Variants in MPP2 observed in about 807,000 individuals in gnomAD.
MPP2 encodes the protein MAGUK p55 scaffold protein 2, also known as MAGUK p55 subfamily member 2.
Under a neutral mutation model 58.5 loss-of-function variants are expected in MPP2, and 42 were observed. That is an observed-to-expected ratio of 0.72 (90% confidence interval 0.56 to 0.93). MPP2 has a LOEUF of 0.93. Among genes scored for constraint, MPP2 ranks in the 40% least tolerant of loss-of-function variants. MPP2 has a pLI of 0.00. For synonymous variants in MPP2, 300 were observed against 307.8 expected (o/e 0.97, Z 0.26); for missense variants, 632 against 760.4 (o/e 0.83, Z 1.99).
Position 43,884,084 on chromosome 17 carries a change from C to G in MPP2, c.151-729G>C, listed in dbSNP as rs202014037. ...TTGCAGACAACACAAGCCACTTTAC[C>G]CCAAAGTATTTCAGCATGTATTTCA... On this transcript the variant is annotated intron_variant, in intron 3 of 12. Coordinates refer to ENST00000269095, the MANE Select transcript of MPP2 (RefSeq NM_005374.5). 3 of 702,554 alleles carry G rather than the reference C, an allele frequency of 4.3e-6. No homozygotes were observed. In the Admixed American group the frequency reaches 6.0e-5, roughly 14 times the overall value. The allele number at this position is 702,554 out of a possible 1,614,324, so 43.5% of individuals were successfully genotyped here.
intron 2 of MPP2, chr17:43,901,286 C>A: frequency 1.0e-6 from 1 of 985,518 alleles, no homozygotes; most frequent in Non-Finnish European, 1.2e-6. Context: ...CTGCTTACCC[C>A]TCGCCTCACA....
At chr17:43,907,878 G>A, upstream of MPP2, 11 of 985,402 alleles carry the variant, frequency 1.1e-5, no homozygotes, top group Non-Finnish European at 1.3e-5. Flanking sequence ...GGCTTAGACC[G>A]GCGTTCTAGT....
chr17:43,888,456 T>C (rs529220102), intron 3 of MPP2, among the ~76,000 whole-genome samples: 14 of 152,308 alleles, frequency 9.2e-5, no homozygotes, highest in East Asian at 7.7e-4. Flanking sequence ...GTCCCAGCTC[T>C]GGCTCTGTTA....
rs113177833 is a variant in MPP2 at position 43,882,473 on chromosome 17, G to C, written c.492C>G (p.Ile164Met). The part of the protein sequence containing the change: ...TFRVEGGELV[I>M]ARILHGGMVA... ...CCATGCCCCCATGCAGAATGCGCGC[G>C]ATCACCAGCTCGCCGCCCTCCACGC... The change falls in exon 6 of 13, where the codon ATC becomes ATG. Residue 164 changes from isoleucine (I) to methionine (M), a missense_variant. By Grantham distance (10) the Ile-to-Met change is conservative. Transcript: ENST00000269095. The C allele has an allele frequency of 1.2e-6, 2 of 1,606,710 alleles. No individual in the cohort carries two copies. The highest frequency in any genetic ancestry group is 1.7e-6 in the Non-Finnish European group (2 of 1,179,932).
At chr17:43,906,179 G>C in intron 1 of MPP2, 1 of 968,442 alleles carries the variant, frequency 1.0e-6, no homozygotes, top group Non-Finnish European at 1.2e-6. Flanking sequence ...GGAAAAGGCA[G>C]GGAGGATCCT....
At chr17:43,881,190 A>C in intron 8 of MPP2, 32 bp from the exon 9 acceptor site, 1 of 1,613,780 alleles carries the variant, frequency 6.2e-7, no homozygotes, top group Non-Finnish European at 8.5e-7. Context: ...AGTGAGGCAG[A>C]CAGGGCCCTG....
At position 43,881,607 on chromosome 17, in the gene MPP2, C is replaced by A; in HGVS notation, c.682-18G>T. On this transcript the variant is annotated intron_variant, in intron 6 of 12. Coordinates refer to ENST00000269095, the MANE Select transcript of MPP2 (RefSeq NM_005374.5). ...ACAAATACCTGGGCCCAGGAATCAG[C>A]AAAGGGTCGGGGGAAGGGTCAGCAG... 6.2e-7 allele frequency: 1 copy of A among 1,610,496 alleles called. No homozygotes were observed. Among genetic ancestry groups the A allele is most frequent in the Non-Finnish European group, 8.5e-7 (1 of 1,178,174 alleles).
intron 6 of MPP2, among the ~76,000 whole-genome samples, chr17:43,882,030 G>A (rs2047150312): frequency 6.6e-6 from 1 of 152,246 alleles, no homozygotes; most frequent in African/African-American, 2.4e-5. Flanking sequence ...TGACCATAAT[G>A]CAGGCGCTCT....
chr17:43,889,244 T>C (rs1415057180), intron 3 of MPP2, among the ~76,000 whole-genome samples: 1 of 151,782 alleles, frequency 6.6e-6, no homozygotes, highest in Non-Finnish European at 1.5e-5. Flanking sequence ...ATTTTTTAAA[T>C]GATATAACAA....
intron 12 of MPP2, among the ~76,000 whole-genome samples, chr17:43,878,479 G>A (rs1020693768): frequency 6.6e-6 from 1 of 152,146 alleles, no homozygotes; most frequent in Non-Finnish European, 1.5e-5. Context: ...GATGGGCAGG[G>A]GTGAGGAAGG....
intron 1 of MPP2, chr17:43,906,032 G>C: frequency 2.2e-6 from 2 of 921,856 alleles, no homozygotes; most frequent in Non-Finnish European, 2.6e-6. Flanking sequence ...TACTCCTAGA[G>C]AGCAGGGAGG....
At chr17:43,907,665 C>T, upstream of MPP2, 1 of 985,654 alleles carries the variant, frequency 1.0e-6, no homozygotes, top group Non-Finnish European at 1.2e-6. Context: ...TCTTTCCCAG[C>T]AGCTGGTACG....
At chr17:43,883,674 G>A (rs913475310) in intron 3 of MPP2, among the ~76,000 whole-genome samples, 3 of 152,142 alleles carry the variant, frequency 2.0e-5, no homozygotes, top group Non-Finnish European at 4.4e-5. Context: ...ATGCATTGGC[G>A]TTCAAAGATG....
upstream of MPP2, among the ~76,000 whole-genome samples, chr17:43,908,330 A>G (rs547436327): frequency 1.3e-5 from 2 of 152,348 alleles, no homozygotes; most frequent in Non-Finnish European, 2.9e-5. Flanking sequence ...ATTTGGGGCC[A>G]GCTACGCTAC....
intron 3 of MPP2, among the ~76,000 whole-genome samples, chr17:43,886,168 A>G (rs2047360960): frequency 6.6e-6 from 1 of 152,202 alleles, no homozygotes; most frequent in Admixed American, 6.5e-5. Context: ...AACACTGTAT[A>G]TACCCTTTGA....
chr17:43,901,577 G>A (rs1286335229), intron 2 of MPP2: 1 of 985,456 alleles, frequency 1.0e-6, no homozygotes, highest in Non-Finnish European at 1.2e-6. Context: ...TGCACCCCTG[G>A]TTGCCATGAC....
intron 3 of MPP2, among the ~76,000 whole-genome samples, chr17:43,892,354 G>A (rs754916017): frequency 1.2e-4 from 18 of 152,210 alleles, no homozygotes; most frequent in Non-Finnish European, 2.5e-4. Flanking sequence ...CTGGATCTTT[G>A]ATCACAGTGC....
intron 3 of MPP2, among the ~76,000 whole-genome samples, chr17:43,891,162 A>G (rs2047588351): frequency 6.6e-6 from 1 of 152,174 alleles, no homozygotes; most frequent in Admixed American, 6.5e-5. Context: ...GCCTCCCCAC[A>G]GAACAAGAGG....
intron 2 of MPP2, among the ~76,000 whole-genome samples, chr17:43,900,116 C>CT (rs1328001656): frequency 1.3e-5 from 2 of 152,200 alleles, no homozygotes; most frequent in Non-Finnish European, 1.5e-5. Flanking sequence ...CTCCCATCTC[C>CT]TTCCTCCTCC....
Sources: gnomAD v4.1 joint callset for allele counts (sites outside exome capture counted in the v4.1 genomes callset) on GRCh38, gnomAD v4.1.1 for gene constraint, MANE v1.5 for transcripts, NCBI Gene and HGNC (gene_info 2026-07-23, HGNC 2026-07-21) for gene names.